TJP2: variants seen among roughly 807,000 people sequenced by gnomAD.
TJP2 encodes the protein tight junction protein 2.
A neutral mutation model predicts 133.1 loss-of-function variants in TJP2; 91 were observed. The ratio of observed to expected loss-of-function variants is 0.68; its 90% CI spans 0.58 to 0.81. The LOEUF (loss-of-function observed/expected upper bound fraction) is 0.81, where lower values mean the gene tolerates loss of function less well. Among genes scored for constraint, TJP2 ranks in the 40% least tolerant of loss-of-function variants. The pLI is 0.00. For missense variants in TJP2, 1,541 were observed against 1,565.6 expected (o/e 0.98, Z 0.26); for synonymous variants, 592 against 583.4 (o/e 1.01, Z -0.21).
At chr9:69,254,021 G>C (rs1405372040) in intron 22 of TJP2, 188 bp from the exon 23 acceptor site, 2 of 681,074 alleles carry the variant, frequency 2.9e-6, no homozygotes, top group Non-Finnish European at 5.2e-6. Flanking sequence ...CGCCGAAGTG[G>C]GCATTGGATT....
At chr9:69,122,939 T>C (rs1276703780) in intron 1 of TJP2, among the ~76,000 whole-genome samples, 1 of 152,200 alleles carries the variant, frequency 6.6e-6, no homozygotes, top group Non-Finnish European at 1.5e-5. Flanking sequence ...TAGTTGCTGA[T>C]AGGGTGACAT....
At chr9:69,196,047 C>G (rs1336330906) in intron 1 of TJP2, among the ~76,000 whole-genome samples, 2 of 152,178 alleles carry the variant, frequency 1.3e-5, no homozygotes, top group Non-Finnish European at 2.9e-5. Context: ...ACTGCAGTCT[C>G]AAACTCCTGG....
intron 1 of TJP2, chr9:69,145,880 G>A: frequency 9.1e-7 from 1 of 1,096,540 alleles, no homozygotes; most frequent in South Asian, 4.7e-5. Flanking sequence ...TCTGTTTTGG[G>A]GACCCATATA....
chr9:69,164,656 G>C (rs1403555702), intron 2 of TJP2, among the ~76,000 whole-genome samples: 2 of 152,106 alleles, frequency 1.3e-5, no homozygotes. Flanking sequence ...TTTAGTTGCT[G>C]CGAGAGCAAA....
At chr9:69,196,587 T>C (rs1238953498) in intron 1 of TJP2, among the ~76,000 whole-genome samples, 1 of 143,206 alleles carries the variant, frequency 7.0e-6, no homozygotes, top group Non-Finnish European at 1.5e-5. Flanking sequence ...GACTACAGAC[T>C]CTACGATGTG....
At chr9:69,193,709 CAT>C (rs1826363837) in intron 1 of TJP2, among the ~76,000 whole-genome samples, 3 of 145,138 alleles carry the variant, frequency 2.1e-5, no homozygotes, top group Admixed American at 7.0e-5. Flanking sequence ...GCTTGAATTT[CAT>C]CTGCTGTGTT....
intron 5 of TJP2, among the ~76,000 whole-genome samples, chr9:69,222,072 G>A (rs142169002): frequency 0.064 from 9,534 of 149,638 alleles, 339 homozygotes; most frequent in Admixed American, 0.086. Flanking sequence ...GGGTTTCACC[G>A]TGTTGGCCAG....
At chr9:69,228,986 T>A (rs1251941290) in intron 9 of TJP2, among the ~76,000 whole-genome samples, 198 bp from the exon 10 acceptor site, 2 of 150,524 alleles carry the variant, frequency 1.3e-5, no homozygotes, top group African/African-American at 4.9e-5. Context: ...AGAGGTTCAT[T>A]TTTTATCTCT....
intron 7 of TJP2, 66 bp from the exon 8 acceptor site, chr9:69,227,699 A>AT: frequency 1.7e-6 from 2 of 1,161,208 alleles, no homozygotes; most frequent in Non-Finnish European, 2.5e-6. Flanking sequence ...GAATAGTGCA[A>AT]TTTCTCTGGG....
chr9:69,241,267 CATATGAGATTA>C (rs1239845877), intron 17 of TJP2, among the ~76,000 whole-genome samples: 8 of 152,082 alleles, frequency 5.3e-5, no homozygotes, highest in African/African-American at 1.9e-4. Context: ...TAATTCTGTG[CATATGAGATTA>C]TTAAGAGTTT....
chr9:69,145,738 C>A (rs1823185194), intron 1 of TJP2: 11 of 1,231,846 alleles, frequency 8.9e-6, no homozygotes, highest in Non-Finnish European at 1.1e-5. Flanking sequence ...ATTCTGGAAG[C>A]AGCAGTTGGT....
Position 69,154,454 on chromosome 9 carries a change from T to C in TJP2, c.-10+2683T>C, listed in dbSNP as rs1272363576. Among the ~76,000 whole-genome samples the C allele has an allele frequency of 3.9e-5, 6 of 152,314 alleles. No individual in the cohort carries two copies. In the East Asian group the frequency reaches 1.2e-3, roughly 29 times the overall value. ...TCTCCTCTGATGAGCACTGTTTGCC[T>C]GAGGCTGGATTTTTGCAACTTTAAG... On this transcript the variant is annotated intron_variant, in intron 2 of 5. Transcript: ENST00000423935.
rs1160162575 is a variant in TJP2 at position 69,210,285 on chromosome 9, TCCCC to T, written c.61-2252_61-2249del. Among the ~76,000 whole-genome samples the T allele has an allele frequency of 3.5e-4, 6 of 17,212 alleles. 1 individual carries two copies. The highest frequency in any genetic ancestry group is 8.1e-4 in the Admixed American group (1 of 1,230). The allele number at this position is 17,212 out of a possible 152,430, so 11.3% of individuals were successfully genotyped here. On this transcript the variant is annotated intron_variant, in intron 1 of 22. Coordinates refer to ENST00000377245, the MANE Select transcript of TJP2 (RefSeq NM_004817.4). ...GCCTGGGTGACAGAGTGAGACCCCGTCCCCCCCCCCCCCCAAAAAAAAAAAAAGT... is the reference window on the plus strand; with the variant it reads ...GCCTGGGTGACAGAGTGAGACCCCGTCCCCCCCCCCAAAAAAAAAAAAAGT...
chr9:69,234,274 C>T (rs1053170701), intron 11 of TJP2, among the ~76,000 whole-genome samples, 165 bp from the exon 12 acceptor site: 11 of 152,012 alleles, frequency 7.2e-5, no homozygotes, highest in African/African-American at 2.7e-4. Flanking sequence ...TGAATAGTGA[C>T]ATTAAGGACT....
intron 3 of TJP2, 121 bp from the exon 4 acceptor site, chr9:69,218,136 G>C: frequency 1.2e-6 from 1 of 816,264 alleles, no homozygotes; most frequent in Non-Finnish European, 2.1e-6. Flanking sequence ...GGCGCCACTA[G>C]ACACTGAGCC....
intron 1 of TJP2, among the ~76,000 whole-genome samples, chr9:69,198,159 T>TTTTTTTTTTTTTTTTG (rs10674501): frequency 7.5e-6 from 1 of 133,134 alleles, no homozygotes; most frequent in Non-Finnish European, 1.6e-5. Flanking sequence ...TTTTTTTTTT[T>TTTTTTTTTTTTTTTTG]GAGACTGAGT....
chr9:69,221,217 C>A lies in TJP2; in HGVS notation c.673C>A (p.Leu225Met), dbSNP rs1335558183. 1 of 1,604,762 alleles carries A rather than the reference C, an allele frequency of 6.2e-7. No homozygotes were observed. The highest frequency in any genetic ancestry group is 1.7e-5 in the Admixed American group (1 of 59,324). The change falls in exon 5 of 23, where the codon CTG becomes ATG. Residue 225 changes from leucine (L) to methionine (M), a missense_variant. Leu to Met is a conservative substitution (Grantham distance 15, BLOSUM62 2). Coordinates refer to ENST00000377245, the MANE Select transcript of TJP2 (RefSeq NM_004817.4). ...CCGTGGCCGGAGCCTGGAGCGGGGCCTGGACCACGACTTTGGGCCATCCCG... is the reference window on the plus strand; with the variant it reads ...CCGTGGCCGGAGCCTGGAGCGGGGCATGGACCACGACTTTGGGCCATCCCG... ...RSRGRSLERG[L>M]DHDFGPSRDR...
chr9:69,237,674 T>G (rs1830290767), intron 14 of TJP2, among the ~76,000 whole-genome samples: 1 of 151,976 alleles, frequency 6.6e-6, no homozygotes, highest in African/African-American at 2.4e-5. Flanking sequence ...TAGGTTAGCA[T>G]GTGGTTGAAT....
chr9:69,232,938 G>A (rs1829899483), intron 11 of TJP2, among the ~76,000 whole-genome samples: 2 of 152,146 alleles, frequency 1.3e-5, no homozygotes, highest in Admixed American at 1.3e-4. Context: ...CCAGAGAGAT[G>A]GACTGAAGGA....
Sources: gnomAD v4.1 joint callset for allele counts (sites outside exome capture counted in the v4.1 genomes callset) on GRCh38, gnomAD v4.1.1 for gene constraint, MANE v1.5 for transcripts, NCBI Gene and HGNC (gene_info 2026-07-23, HGNC 2026-07-21) for gene names.